Variants in ZFPM2 observed in about 807,000 individuals in gnomAD.
ZFPM2 encodes the protein zinc finger protein, FOG family member 2.
Under a neutral mutation model 98.6 loss-of-function variants are expected in ZFPM2, and 20 were observed. That is an observed-to-expected ratio of 0.20 (90% CI 0.14 to 0.29). The LOEUF (loss-of-function observed/expected upper bound fraction) is 0.29. Among genes scored for constraint, ZFPM2 ranks in the 10% least tolerant of loss-of-function variants. The probability of loss-of-function intolerance (pLI) is 1.00; values close to 1 mark genes in which losing one functional copy is unlikely to be tolerated. For missense variants in ZFPM2, 1,310 were observed against 1,388.6 expected, an observed-to-expected ratio of 0.94 and a Z score of 0.90; for synonymous variants, 518 against 502.7, an observed-to-expected ratio of 1.03 and a Z score of -0.41.
At chr8:105,788,394 C>T (rs1813487017) in intron 5 of ZFPM2, among the ~76,000 whole-genome samples, 1 of 152,196 alleles carries the variant, frequency 6.6e-6, no homozygotes, top group South Asian at 2.1e-4. Context: ...TTTTTAGGTA[C>T]TGTCTCAATC....
At chr8:105,671,368 C>T (rs1410425130) in intron 5 of ZFPM2, among the ~76,000 whole-genome samples, 1 of 151,248 alleles carries the variant, frequency 6.6e-6, no homozygotes. Flanking sequence ...TTTGTATTTC[C>T]TCTTTTTTGT....
At chr8:105,475,112 G>A (rs1411529010) in intron 3 of ZFPM2, among the ~76,000 whole-genome samples, 1 of 152,166 alleles carries the variant, frequency 6.6e-6, no homozygotes, top group Non-Finnish European at 1.5e-5. Context: ...TTTACAGTTG[G>A]TAACATATAA....
At chr8:105,354,922 C>T (rs554973207) in intron 1 of ZFPM2, among the ~76,000 whole-genome samples, 1 of 152,124 alleles carries the variant, frequency 6.6e-6, no homozygotes, top group South Asian at 2.1e-4. Context: ...CCACTGCACT[C>T]CAGCCTGGGC....
chr8:105,778,489 C>T (rs1267418423), intron 5 of ZFPM2, among the ~76,000 whole-genome samples: 7 of 148,018 alleles, frequency 4.7e-5, no homozygotes, highest in East Asian at 2.0e-4. Context: ...TGAGTGCATG[C>T]GTGTGTGTGT....
chr8:105,341,088 T>C (rs1463000320), intron 1 of ZFPM2, among the ~76,000 whole-genome samples: 2 of 151,874 alleles, frequency 1.3e-5, no homozygotes, highest in Non-Finnish European at 2.9e-5. Context: ...TTTTGAATGG[T>C]GTAAAGCCAG....
intron 3 of ZFPM2, among the ~76,000 whole-genome samples, chr8:105,501,377 G>T (rs1234882467): frequency 6.6e-6 from 1 of 151,672 alleles, no homozygotes; most frequent in Non-Finnish European, 1.5e-5. Context: ...TAGAGAGGGG[G>T]TTTCACCATG....
chr8:105,530,222 G>T (rs1395995598), intron 3 of ZFPM2, among the ~76,000 whole-genome samples: 1 of 152,042 alleles, frequency 6.6e-6, no homozygotes, highest in East Asian at 1.9e-4. Context: ...CCTTGTAAAA[G>T]CCATTGTTAT....
rs1265800724 is a variant in ZFPM2 at position 105,803,577 on chromosome 8, G to A, written c.*39G>A. 5 of 1,562,742 alleles carry A rather than the reference G, an allele frequency of 3.2e-6. No individual in the cohort carries two copies. The highest frequency in any genetic ancestry group is 1.7e-6 in the Non-Finnish European group (2 of 1,150,440). On this transcript the variant is annotated 3_prime_UTR_variant, in exon 8 of 8. Transcript: ENST00000407775. Reference sequence around the variant, plus strand: ...CAGTCACCTTTGGTATCAGTGTTTAGTATGTTGTTCTAACCAGTCCAGAAA... The same window carrying A: ...CAGTCACCTTTGGTATCAGTGTTTAATATGTTGTTCTAACCAGTCCAGAAA...
At chr8:105,694,336 T>G (rs1033468286) in intron 5 of ZFPM2, among the ~76,000 whole-genome samples, 1 of 151,988 alleles carries the variant, frequency 6.6e-6, no homozygotes, top group Non-Finnish European at 1.5e-5. Context: ...TCAAATAGAG[T>G]TTTCTGTTTT....
chr8:105,561,793 T>G (rs1313067739), intron 4 of ZFPM2, among the ~76,000 whole-genome samples: 2 of 152,150 alleles, frequency 1.3e-5, no homozygotes, highest in Admixed American at 6.6e-5. Flanking sequence ...ATTGCCTTTA[T>G]TTTTCAGATG....
chr8:105,569,132 T>G (rs1815302850), intron 4 of ZFPM2, among the ~76,000 whole-genome samples: 1 of 152,200 alleles, frequency 6.6e-6, no homozygotes, highest in African/African-American at 2.4e-5. Flanking sequence ...CTAGGTTTAC[T>G]AGGATAAGAG....
chr8:105,791,705 G>A (rs905433393), intron 6 of ZFPM2, among the ~76,000 whole-genome samples: 4 of 152,210 alleles, frequency 2.6e-5, no homozygotes, highest in South Asian at 4.1e-4. Context: ...ATTCGGCTAT[G>A]AATCCATCTG....
intron 3 of ZFPM2, among the ~76,000 whole-genome samples, chr8:105,507,511 A>G (rs1332081868): frequency 1.3e-5 from 2 of 152,244 alleles, no homozygotes; most frequent in African/African-American, 4.8e-5. Flanking sequence ...ATGTTTTGGT[A>G]ATATTACCTA....
At chr8:105,782,909 G>A (rs1356450567) in intron 5 of ZFPM2, among the ~76,000 whole-genome samples, 1 of 152,068 alleles carries the variant, frequency 6.6e-6, no homozygotes, top group African/African-American at 2.4e-5. Context: ...CAGAAAACAT[G>A]TTTAGATTCC....
At chr8:105,664,576 C>T (rs569914620) in intron 5 of ZFPM2, among the ~76,000 whole-genome samples, 2 of 152,250 alleles carry the variant, frequency 1.3e-5, no homozygotes, top group South Asian at 2.1e-4. Flanking sequence ...TCAGGTGATC[C>T]GCCTGCCTTG....
intron 5 of ZFPM2, among the ~76,000 whole-genome samples, chr8:105,700,359 A>G (rs1306324024): frequency 6.6e-6 from 1 of 152,238 alleles, no homozygotes. Flanking sequence ...AGGTTTCCAC[A>G]TTTAGAAATA....
chr8:105,663,852 G>A (rs1817437875), intron 5 of ZFPM2, among the ~76,000 whole-genome samples: 1 of 152,176 alleles, frequency 6.6e-6, no homozygotes, highest in Admixed American at 6.5e-5. Flanking sequence ...TTGTTTTTCA[G>A]TAGTCTGGAA....
At chr8:105,391,088 T>G (rs1344215290) in intron 1 of ZFPM2, among the ~76,000 whole-genome samples, 1 of 152,192 alleles carries the variant, frequency 6.6e-6, no homozygotes, top group African/African-American at 2.4e-5. Context: ...TGCCTCACTT[T>G]ATTGTGCTAT....
At chr8:105,418,759 A>T (rs752960066) in intron 1 of ZFPM2, 2 of 492,554 alleles carry the variant, frequency 4.1e-6, no homozygotes, top group South Asian at 3.0e-5. Context: ...ATCTCAGGTA[A>T]AATTGTACAA....
Sources: gnomAD v4.1 joint callset for allele counts (sites outside exome capture counted in the v4.1 genomes callset) on GRCh38, gnomAD v4.1.1 for gene constraint, MANE v1.5 for transcripts, NCBI Gene and HGNC (gene_info 2026-07-23, HGNC 2026-07-21) for gene names.